Variants in MGA observed in about 807,000 individuals in gnomAD.
MGA encodes MAX gene-associated protein.
A neutral mutation model predicts 261.1 loss-of-function variants in MGA; 40 were observed. The ratio of observed to expected loss-of-function variants is 0.15; its 90% CI spans 0.12 to 0.20. The LOEUF (loss-of-function observed/expected upper bound fraction) is 0.20. Among genes scored for constraint, MGA ranks in the 10% least tolerant of loss-of-function variants. The probability of loss-of-function intolerance (pLI) is 1.00; values close to 1 mark genes in which losing one functional copy is unlikely to be tolerated. For synonymous variants in MGA, 1,302 were observed against 1,290.6 expected (o/e 1.01, Z -0.19); for missense variants, 3,397 against 3,630.5 (o/e 0.94, Z 1.65).
chr15:41,764,978 T>A lies in MGA; in HGVS notation c.7837T>A (p.Ser2613Thr). The change falls in exon 23 of 24, where the codon TCA (serine) becomes ACA (threonine). Residue 2613 changes from serine to threonine, a missense_variant. By Grantham distance (58) the Ser-to-Thr change is moderately conservative (BLOSUM62 1). Around this residue, in one of 9 missense-constraint regions of MGA, gnomAD observed 647 missense variants for 642.4 expected, o/e 1.01. Transcript: ENST00000219905. ...GCTCACCCTAAAAGGTCCCCTATTC[T>A]CAGGACCAGTGGTAGCTGTTTCTCC... 6.2e-7 allele frequency: 1 copy of A among 1,614,052 alleles called. No individual in the cohort carries two copies. The highest frequency in any genetic ancestry group is 8.5e-7 in the Non-Finnish European group (1 of 1,179,894).
chr15:41,745,341 G>T (rs1595948274), intron 15 of MGA, among the ~76,000 whole-genome samples: 1 of 147,258 alleles, frequency 6.8e-6, no homozygotes, highest in Non-Finnish European at 1.5e-5. Flanking sequence ...GCATTACTCG[G>T]CATAATAGAG....
chr15:41,680,204 A>G (rs923206006), intron 2 of MGA, among the ~76,000 whole-genome samples: 30 of 152,092 alleles, frequency 2.0e-4, no homozygotes, highest in Non-Finnish European at 4.4e-5. Context: ...CTTTACTTTG[A>G]TGCATTTCTT....
chr15:41,652,876 C>A lies in MGA; in HGVS notation c.-67-15952C>A, dbSNP rs907021290. 3.3e-5 allele frequency among the ~76,000 whole-genome samples: 5 copies of A among 152,102 alleles called. No individual in the cohort carries two copies. The East Asian group carries it at 9.6e-4, about 29-fold the overall frequency. ...ATGCTTAATAAATATTCGTTTAACT[C>A]ATTGTAGCCTTATTTACTTATGCTA... On this transcript the variant is annotated intron_variant, in intron 1 of 8. Coordinates refer to the MGA transcript ENST00000566718.
chr15:41,652,673 C>T (rs2057090939), intron 1 of MGA, among the ~76,000 whole-genome samples: 1 of 151,284 alleles, frequency 6.6e-6, no homozygotes, highest in Non-Finnish European at 1.5e-5. Context: ...TTGTATGTTT[C>T]TATAGTGTTC....
At chr15:41,765,164 C>A in intron 23 of MGA, 102 bp downstream of exon 23, 1 of 1,339,576 alleles carries the variant, frequency 7.5e-7, no homozygotes, top group Non-Finnish European at 1.1e-6. Flanking sequence ...TGATAAAGAG[C>A]TATTCTGTTG....
intron 2 of MGA, among the ~76,000 whole-genome samples, chr15:41,671,018 A>T (rs990509550): frequency 3.3e-5 from 5 of 152,188 alleles, no homozygotes; most frequent in African/African-American, 1.2e-4. Flanking sequence ...GGCCCACCAC[A>T]TCTACTGGTT....
At position 41,767,491 on chromosome 15, in the gene MGA, G is replaced by A; in HGVS notation, c.*211G>A. 1.7e-6 allele frequency: 1 copy of A among 585,356 alleles called. No homozygotes were observed. Among genetic ancestry groups the A allele is most frequent in the South Asian group, 2.3e-5 (1 of 43,764 alleles). 36.3% of individuals were successfully genotyped at this position (585,356 alleles called of 1,614,324 possible). On this transcript the variant is annotated 3_prime_UTR_variant, in exon 24 of 24. Transcript: ENST00000219905. Reference sequence around the variant, plus strand: ...CATGTTAAAATGTGTTACCTCACTTGTGGTGCTGGGTCCCCTCATCCTCTC... The same window carrying A: ...CATGTTAAAATGTGTTACCTCACTTATGGTGCTGGGTCCCCTCATCCTCTC...
intron 1 of MGA, among the ~76,000 whole-genome samples, chr15:41,639,985 G>A (rs548612721): frequency 1.3e-5 from 2 of 152,294 alleles, no homozygotes; most frequent in South Asian, 4.1e-4. Context: ...CAAGGATGAT[G>A]AGAGCTAGAT....
intron 9 of MGA, chr15:41,718,817 A>G (rs2060792672): frequency 6.5e-6 from 1 of 154,206 alleles, no homozygotes; most frequent in African/African-American, 2.4e-5. Context: ...TATTAATGAT[A>G]AAAGACTTAT....
chr15:41,640,454 A>G (rs2056798315), intron 1 of MGA, among the ~76,000 whole-genome samples: 1 of 152,184 alleles, frequency 6.6e-6, no homozygotes, highest in South Asian at 2.1e-4. Context: ...CGTTGATGTA[A>G]GATTGTACAT....
At chr15:41,754,644 G>T (rs994188452) in intron 18 of MGA, 77 bp downstream of exon 18, 7 of 1,412,014 alleles carry the variant, frequency 5.0e-6, no homozygotes, top group Non-Finnish European at 6.5e-6. Flanking sequence ...CTGTTCAGGA[G>T]CTCTGGGTAA....
chr15:41,725,855 AAT>A (rs1391930085), intron 9 of MGA, among the ~76,000 whole-genome samples: 2,272 of 17,538 alleles, frequency 0.13, 879 homozygotes, highest in Middle Eastern at 0.25. Context: ...AAAAAAAAAA[AAT>A]AAATAAATAA....
At chr15:41,717,900 G>A (rs1054274384) in intron 9 of MGA, among the ~76,000 whole-genome samples, 88 of 151,778 alleles carry the variant, frequency 5.8e-4, no homozygotes, top group African/African-American at 2.1e-3. Context: ...ACTAAGTGGG[G>A]TGTATCCTAG....
intron 1 of MGA, among the ~76,000 whole-genome samples, chr15:41,629,205 A>C (rs989550429): frequency 1.7e-4 from 26 of 152,014 alleles, no homozygotes; most frequent in African/African-American, 6.0e-4. Context: ...GAAGTCATTG[A>C]ATTCAGGGCA....
intron 1 of MGA, among the ~76,000 whole-genome samples, chr15:41,653,381 A>T (rs2057107174): frequency 6.6e-6 from 1 of 151,796 alleles, no homozygotes; most frequent in Middle Eastern, 3.4e-3. Flanking sequence ...AAAAAAAAAC[A>T]ACAAAAAACA....
chr15:41,742,252 G>A (rs986229940), intron 14 of MGA, among the ~76,000 whole-genome samples: 2 of 151,954 alleles, frequency 1.3e-5, no homozygotes, highest in South Asian at 4.2e-4. Flanking sequence ...GCTGGGTTTG[G>A]TGGTATGTGC....
chr15:41,750,014 A>T lies in MGA; in HGVS notation c.6407A>T (p.Glu2136Val). The stretch of plus-strand genomic sequence containing the variant: ...AGTGAATTTCCAGTCACCTTTAAGG[A>T]AGAAAGTAAATTTGAATTGTCAGGA... Residue 2136 changes from glutamate (E) to valine (V), a missense_variant, in exon 17 of 24, where the codon GAA (glutamate) becomes GTA (valine). Around this residue, in one of 9 missense-constraint regions of MGA, gnomAD observed 1,410 missense variants for 1,386.4 expected, o/e 1.02. Coordinates refer to ENST00000219905, the MANE Select transcript of MGA (RefSeq NM_001164273.2). The T allele has an allele frequency of 6.2e-7, 1 of 1,613,236 alleles. No homozygotes were observed. The highest frequency in any genetic ancestry group is 1.1e-5 in the South Asian group (1 of 90,972).
chr15:41,652,253 G>A (rs902800587), intron 1 of MGA, among the ~76,000 whole-genome samples: 1 of 149,758 alleles, frequency 6.7e-6, no homozygotes, highest in South Asian at 2.1e-4. Flanking sequence ...GATTACAGGC[G>A]TGAGCCACCG....
Position 41,696,106 on chromosome 15 carries a change from C to A in MGA, c.1096C>A (p.Arg366Ser). 2 of 1,613,220 alleles carry A rather than the reference C, an allele frequency of 1.2e-6. No homozygotes were observed. The highest frequency in any genetic ancestry group is 8.5e-7 in the Non-Finnish European group (1 of 1,179,628). Residue 366 changes from arginine to serine, a missense_variant, in exon 3 of 24, where the codon CGT becomes AGT. Coordinates refer to ENST00000219905, the MANE Select transcript of MGA (RefSeq NM_001164273.2). ...TGCCAGCAGTTTTGAAGATGACTCC[C>A]GTGTAGCCTCACCGTTAGACCAGAA...
Sources: gnomAD v4.1 joint callset for allele counts (sites outside exome capture counted in the v4.1 genomes callset) on GRCh38, gnomAD v4.1.1 for gene constraint, gnomAD v4.1.1 regional missense constraint, MANE v1.5 for transcripts, NCBI Gene and HGNC (gene_info 2026-07-23, HGNC 2026-07-21) for gene names.